CYFIP2: variants seen among roughly 807,000 people sequenced by gnomAD.
CYFIP2 encodes cytoplasmic FMR1-interacting protein 2.
Under a neutral mutation model 158.7 loss-of-function variants are expected in CYFIP2, and 29 were observed. The ratio of observed to expected loss-of-function variants is 0.18; its 90% confidence interval spans 0.14 to 0.25. The LOEUF (loss-of-function observed/expected upper bound fraction) is 0.25. CYFIP2 is among the 10% of genes least tolerant of loss of function. The pLI is 1.00. For synonymous variants in CYFIP2, 585 were observed against 617.6 expected (o/e 0.95, Z 0.78); for missense variants, 852 against 1,639.5 (o/e 0.52, Z 8.29).
At chr5:157,377,231 A>C (rs1266891212) in intron 26 of CYFIP2, among the ~76,000 whole-genome samples, 1 of 151,992 alleles carries the variant, frequency 6.6e-6, no homozygotes, top group Admixed American at 6.6e-5. Context: ...CTAGAAATCT[A>C]AGAGAGGCTT....
At chr5:157,304,886 A>G (rs1380814274) in intron 8 of CYFIP2, 1 of 151,964 alleles carries the variant, frequency 6.6e-6, no homozygotes, top group East Asian at 1.9e-4. Context: ...TGCTGTACTC[A>G]AAGTGTAGTC....
rs534811222 is a variant in CYFIP2 at position 157,287,005 on chromosome 5, C to T, written c.118-14C>T. 1 of 1,610,232 alleles carries T rather than the reference C, an allele frequency of 6.2e-7. No homozygotes were observed. Among genetic ancestry groups the T allele is most frequent in the Admixed American group, 1.7e-5 (1 of 59,850 alleles). On this transcript the variant is annotated splice_polypyrimidine_tract_variant and intron_variant, in intron 2 of 30. Coordinates refer to ENST00000620254, the MANE Select transcript of CYFIP2 (RefSeq NM_001037333.3). ...TTCTAACAACCAAAATGTTCCTGTC[C>T]TCTAATTCCACAGGCTAACTTTGAC...
chr5:157,354,572 T>C (rs1763285961), intron 23 of CYFIP2, among the ~76,000 whole-genome samples: 1 of 151,614 alleles, frequency 6.6e-6, no homozygotes, highest in Admixed American at 6.6e-5. Flanking sequence ...TTTGGGGGAA[T>C]GAGGGGTCGG....
chr5:157,366,203 C>T (rs752760187), intron 26 of CYFIP2, among the ~76,000 whole-genome samples: 1 of 152,140 alleles, frequency 6.6e-6, no homozygotes, highest in Non-Finnish European at 1.5e-5. Flanking sequence ...GATGCTGATT[C>T]TCCTTCCACA....
intron 26 of CYFIP2, among the ~76,000 whole-genome samples, chr5:157,372,909 A>G (rs968635221): frequency 1.3e-5 from 2 of 152,050 alleles, no homozygotes; most frequent in African/African-American, 4.8e-5. Context: ...ACACACACAC[A>G]CAAATACACA....
intron 22 of CYFIP2, among the ~76,000 whole-genome samples, chr5:157,339,741 T>A (rs1762110293): frequency 6.6e-6 from 1 of 152,122 alleles, no homozygotes; most frequent in South Asian, 2.1e-4. Context: ...GCTTCCTCTT[T>A]GAGGAAGTAA....
At chr5:157,380,273 T>G (rs1765921765) in intron 26 of CYFIP2, 1 of 152,220 alleles carries the variant, frequency 6.6e-6, no homozygotes, top group Non-Finnish European at 1.5e-5. Context: ...ATTTCTAATC[T>G]TGTAGCTAAT....
intron 15 of CYFIP2, among the ~76,000 whole-genome samples, chr5:157,321,337 C>T (rs1198978882): frequency 1.3e-5 from 2 of 152,204 alleles, no homozygotes; most frequent in African/African-American, 4.8e-5. Context: ...GTGTTACTAA[C>T]AAAATATTCC....
rs1264858185 is a variant in CYFIP2 at position 157,266,623 on chromosome 5, C to A, written c.-24+428C>A. On this transcript the variant is annotated intron_variant, in intron 1 of 30. Coordinates refer to ENST00000620254, the MANE Select transcript of CYFIP2 (RefSeq NM_001037333.3). The surrounding 1 kb of genome is among the most constrained non-coding windows in gnomAD (Gnocchi z 4.2). The stretch of plus-strand genomic sequence containing the variant: ...CTGGCCCCTGCCTCTGCCGCCGTGA[C>A]CACCGTCACCTCCCCCAGGGCCAGC... 2.0e-5 allele frequency: 3 copies of A among 152,440 alleles called. No individual in the cohort carries two copies. Among genetic ancestry groups the A allele is most frequent in the Admixed American group, 2.0e-4 (3 of 15,290 alleles). The allele number at this position is 152,440 out of a possible 1,614,324, so 9.4% of individuals were successfully genotyped here.
intron 1 of CYFIP2, among the ~76,000 whole-genome samples, chr5:157,271,918 G>T (rs577745314): frequency 6.6e-6 from 1 of 152,074 alleles, no homozygotes; most frequent in South Asian, 2.1e-4. Context: ...CCACATACGC[G>T]TCATGTTGGT....
intron 26 of CYFIP2, among the ~76,000 whole-genome samples, chr5:157,378,555 T>G (rs1042112094): frequency 2.0e-5 from 3 of 152,210 alleles, no homozygotes; most frequent in Non-Finnish European, 4.4e-5. Context: ...TTTGGCTGCA[T>G]TGGCTGCCAT....
intron 26 of CYFIP2, among the ~76,000 whole-genome samples, chr5:157,362,178 T>G (rs1763893549): frequency 6.6e-6 from 1 of 152,168 alleles, no homozygotes; most frequent in Non-Finnish European, 1.5e-5. Flanking sequence ...GTTTTAAAAT[T>G]TAGGGTCAGC....
At chr5:157,278,572 A>C (rs1756744261) in intron 1 of CYFIP2, among the ~76,000 whole-genome samples, 1 of 152,232 alleles carries the variant, frequency 6.6e-6, no homozygotes, top group South Asian at 2.1e-4. Flanking sequence ...TGTCCTCAGA[A>C]ACACAGCAAA....
At chr5:157,305,715 A>G (rs887289225) in intron 8 of CYFIP2, among the ~76,000 whole-genome samples, 12 of 152,266 alleles carry the variant, frequency 7.9e-5, no homozygotes, top group African/African-American at 2.4e-4. Context: ...AGGTCTTCCT[A>G]TGTTGACCAG....
intron 26 of CYFIP2, among the ~76,000 whole-genome samples, chr5:157,368,368 CCT>C (rs1764630995): frequency 1.3e-5 from 2 of 152,146 alleles, no homozygotes; most frequent in South Asian, 2.1e-4. Flanking sequence ...CTCAGCCACC[CCT>C]CTCAGACCGT....
rs553146173 is a variant in CYFIP2, at chr5:157,266,610, T to A, written c.-24+415T>A. ...GTACTGCAGAGCGCTGGCCCCTGCCTCTGCCGCCGTGACCACCGTCACCTC... is the reference window on the plus strand; with the variant it reads ...GTACTGCAGAGCGCTGGCCCCTGCCACTGCCGCCGTGACCACCGTCACCTC... On this transcript the variant is annotated intron_variant, in intron 1 of 30. Transcript: ENST00000620254. This position sits in a 1 kb window ranked among gnomAD's most constrained non-coding sequence, Gnocchi z 4.2. 2.6e-5 allele frequency: 4 copies of A among 152,328 alleles called. No individual in the cohort carries two copies. The highest frequency in any genetic ancestry group is 9.6e-5 in the African/African-American group (4 of 41,510). 9.4% of individuals were successfully genotyped at this position (152,328 alleles called of 1,614,324 possible). A position where few individuals can be genotyped will look rare whatever the true frequency, so the allele number is the denominator to read the frequency against.
chr5:157,343,439 C>T, intron 23 of CYFIP2: 1 of 1,614,118 alleles, frequency 6.2e-7, no homozygotes, highest in Non-Finnish European at 8.5e-7. Context: ...CCAGTTGGGC[C>T]TGTACATAAT....
intron 30 of CYFIP2, among the ~76,000 whole-genome samples, chr5:157,392,540 G>A (rs1211742406): frequency 2.0e-5 from 3 of 152,168 alleles, no homozygotes; most frequent in Non-Finnish European, 4.4e-5. Context: ...ATGTGTAATA[G>A]TGTATTTCTG....
At chr5:157,355,802 T>C (rs752468584) in intron 23 of CYFIP2, among the ~76,000 whole-genome samples, 10 of 152,158 alleles carry the variant, frequency 6.6e-5, no homozygotes, top group Non-Finnish European at 1.3e-4. Flanking sequence ...CTAGAGTCCC[T>C]GGTGTGGGTG....
Sources: gnomAD v4.1 joint callset for allele counts (sites outside exome capture counted in the v4.1 genomes callset) on GRCh38, gnomAD v4.1.1 for gene constraint, Gnocchi (gnomAD v3.1) non-coding constraint, MANE v1.5 for transcripts, NCBI Gene and HGNC (gene_info 2026-07-23, HGNC 2026-07-21) for gene names.